Variants in RNF170 observed in about 807,000 individuals in gnomAD.
The protein encoded by RNF170 is E3 ubiquitin-protein ligase RNF170.
In RNF170, 12 loss-of-function variants were observed where a neutral mutation model predicts 32.7. The observed-to-expected ratio is 0.37, with a 90% CI of 0.24 to 0.60. The LOEUF (loss-of-function observed/expected upper bound fraction) is 0.60. Among genes scored for constraint, RNF170 ranks in the 20% least tolerant of loss-of-function variants. RNF170 has a pLI of 0.72. For synonymous variants in RNF170, 91 were observed against 103.6 expected (o/e 0.88, Z 0.74); for missense variants, 212 against 311.2 (o/e 0.68, Z 2.40).
At chr8:42,887,119 C>T (rs1425249185) in intron 2 of RNF170, among the ~76,000 whole-genome samples, 2 of 152,014 alleles carry the variant, frequency 1.3e-5, no homozygotes, top group Non-Finnish European at 2.9e-5. Flanking sequence ...ATGGAGAAAC[C>T]CCATCTCTAC....
chr8:42,858,905 A>C (rs1803444893), intron 6 of RNF170, among the ~76,000 whole-genome samples: 1 of 152,218 alleles, frequency 6.6e-6, no homozygotes, highest in South Asian at 2.1e-4. Flanking sequence ...ACATTGGGCC[A>C]CAAGTGGTGG....
Position 42,855,081 on chromosome 8 carries a change from GCTA to G in RNF170, c.*1075_*1077del, listed in dbSNP as rs1563653423. On this transcript the variant is annotated 3_prime_UTR_variant, in exon 7 of 7. Coordinates refer to ENST00000527424, the MANE Select transcript of RNF170 (RefSeq NM_030954.4). The stretch of plus-strand genomic sequence containing the variant: ...TTCACCTTCCTCAGAAATGCATCAG[GCTA>G]CTCTGTGTTTGCAGCATCGCCCAGG... The G allele has an allele frequency of 3.1e-6, 4 of 1,287,146 alleles. No homozygotes were observed. The highest frequency in any genetic ancestry group is 2.0e-6 in the Non-Finnish European group (2 of 988,694). The allele number at this position is 1,287,146 out of a possible 1,614,324, so 79.7% of individuals were successfully genotyped here.
chr8:42,860,764 C>T (rs1803594552), intron 6 of RNF170, among the ~76,000 whole-genome samples: 1 of 151,758 alleles, frequency 6.6e-6, no homozygotes, highest in South Asian at 2.1e-4. Flanking sequence ...GTCGCCCAGG[C>T]TGGAGTGCAG....
At chr8:42,876,848 G>C (rs1283625322) in intron 2 of RNF170, among the ~76,000 whole-genome samples, 3 of 151,692 alleles carry the variant, frequency 2.0e-5, no homozygotes, top group East Asian at 1.9e-4. Flanking sequence ...CTAGAGACAG[G>C]GTTTTACTGT....
chr8:42,870,676 C>T (rs1045203015), intron 3 of RNF170, among the ~76,000 whole-genome samples: 1 of 152,010 alleles, frequency 6.6e-6, no homozygotes, highest in African/African-American at 2.4e-5. Context: ...CTGGAGTGAG[C>T]CGTGACTGCA....
chr8:42,892,799 CAACATGGTGA>C (rs1806419027), intron 1 of RNF170, among the ~76,000 whole-genome samples: 1 of 151,656 alleles, frequency 6.6e-6, no homozygotes, highest in Admixed American at 6.6e-5. Context: ...CCAGCCTGGC[CAACATGGTGA>C]AACGCCATCT....
downstream of RNF170, chr8:42,850,753 C>T (rs1404107299): frequency 6.4e-7 from 1 of 1,551,346 alleles, no homozygotes; most frequent in Non-Finnish European, 8.7e-7. Context: ...TACTTTTGCA[C>T]TGCCTACTTT....
intron 6 of RNF170, among the ~76,000 whole-genome samples, chr8:42,856,685 A>G (rs1803267611): frequency 6.6e-6 from 1 of 152,196 alleles, no homozygotes; most frequent in African/African-American, 2.4e-5. Flanking sequence ...TAGTAATGCA[A>G]AACTCAAGTA....
At chr8:42,890,359 G>A (rs887567484) in intron 1 of RNF170, among the ~76,000 whole-genome samples, 3 of 150,788 alleles carry the variant, frequency 2.0e-5, no homozygotes, top group Non-Finnish European at 4.4e-5. Flanking sequence ...CTCACTGCAA[G>A]CTCTGCCTCC....
chr8:42,854,561 C>G lies in RNF170; in HGVS notation c.*1598G>C, dbSNP rs1246949034. The stretch of plus-strand genomic sequence containing the variant: ...CTCTATGACAAGCAACAGCTCTGTC[C>G]TAGGTCCAAATTAGAAAAACACATA... On this transcript the variant is annotated 3_prime_UTR_variant, in exon 7 of 7. Coordinates refer to ENST00000527424, the MANE Select transcript of RNF170 (RefSeq NM_030954.4). The G allele has an allele frequency of 7.8e-7, 1 of 1,287,006 alleles. No individual in the cohort carries two copies. Among genetic ancestry groups the G allele is most frequent in the South Asian group, 1.2e-5 (1 of 80,934 alleles). The allele number at this position is 1,287,006 out of a possible 1,614,324, so 79.7% of individuals were successfully genotyped here. A position where few individuals can be genotyped will look rare whatever the true frequency, so the allele number is the denominator to read the frequency against.
intron 4 of RNF170, among the ~76,000 whole-genome samples, chr8:42,869,063 A>G (rs1467054297): frequency 6.6e-6 from 1 of 151,954 alleles, no homozygotes; most frequent in Non-Finnish European, 1.5e-5. Flanking sequence ...CATGTGAGCT[A>G]TTGCGCCTGG....
chr8:42,864,027 C>T (rs112508358), intron 5 of RNF170, among the ~76,000 whole-genome samples: 3 of 145,226 alleles, frequency 2.1e-5, no homozygotes, highest in African/African-American at 2.6e-5. Flanking sequence ...ATTCCACCCA[C>T]GGGTAAGTGG....
Position 42,873,913 on chromosome 8 carries a change from T to G in RNF170, c.213+18A>C. 1.4e-6 allele frequency: 2 copies of G among 1,413,206 alleles called. No homozygotes were observed. The highest frequency in any genetic ancestry group is 2.0e-6 in the Non-Finnish European group (2 of 997,148). 87.5% of individuals were successfully genotyped at this position (1,413,206 alleles called of 1,614,324 possible). On this transcript the variant is annotated intron_variant, in intron 3 of 6. Coordinates refer to ENST00000527424, the MANE Select transcript of RNF170 (RefSeq NM_030954.4). Reference sequence around the variant, plus strand: ...GGAGCTATCACATCTACTCCTCAAATAAATACATATACAATACCTGTTCTG... The same window carrying G: ...GGAGCTATCACATCTACTCCTCAAAGAAATACATATACAATACCTGTTCTG...
chr8:42,850,430 C>A, downstream of RNF170: 1 of 301,642 alleles, frequency 3.3e-6, no homozygotes, highest in South Asian at 3.3e-5. Context: ...GTGAGGGTGG[C>A]TTAGACCTGG....
chr8:42,886,794 G>A (rs180984091), intron 2 of RNF170, among the ~76,000 whole-genome samples: 154 of 152,306 alleles, frequency 1.0e-3, no homozygotes, highest in African/African-American at 3.5e-3. Flanking sequence ...AAGCTGGGAT[G>A]GGAGGACTGC....
downstream of RNF170, among the ~76,000 whole-genome samples, chr8:42,851,475 G>C (rs1460413098): frequency 1.3e-5 from 2 of 150,874 alleles, no homozygotes. Context: ...TGAGGCAGGA[G>C]AATCGCTTGA....
chr8:42,884,982 G>C (rs1301931990), intron 2 of RNF170, among the ~76,000 whole-genome samples: 1 of 151,042 alleles, frequency 6.6e-6, no homozygotes, highest in Non-Finnish European at 1.5e-5. Context: ...AATTACAGGC[G>C]CGAGCCACCG....
intron 2 of RNF170, chr8:42,881,549 A>G (rs886763100): frequency 5.9e-5 from 9 of 152,278 alleles, no homozygotes; most frequent in Non-Finnish European, 1.3e-4. Context: ...TATACACCAT[A>G]GAATACTACG....
chr8:42,869,978 T>C (rs1804401984), intron 4 of RNF170, 26 bp downstream of exon 4: 2 of 1,534,210 alleles, frequency 1.3e-6, no homozygotes, highest in Non-Finnish European at 1.8e-6. Context: ...CAGTCACTTT[T>C]CCCAAGTATA....
Sources: gnomAD v4.1 joint callset for allele counts (sites outside exome capture counted in the v4.1 genomes callset) on GRCh38, gnomAD v4.1.1 for gene constraint, MANE v1.5 for transcripts, NCBI Gene and HGNC (gene_info 2026-07-23, HGNC 2026-07-21) for gene names.